The following PDS5B variants were observed in gnomAD, a reference collection of about 807,000 sequenced individuals.
The protein encoded by PDS5B is sister chromatid cohesion protein PDS5 homolog B.
PDS5B carries 51 observed loss-of-function variants against 184.1 expected under a neutral mutation model. The observed-to-expected ratio is 0.28, with a 90% CI of 0.22 to 0.35. The LOEUF (loss-of-function observed/expected upper bound fraction) is 0.35. Among genes scored for constraint, PDS5B ranks in the 10% least tolerant of loss-of-function variants. PDS5B has a pLI of 1.00. For missense variants in PDS5B, 1,180 were observed against 1,723.3 expected, an observed-to-expected ratio of 0.68 and a Z score of 5.58; for synonymous variants, 566 against 569.2, an observed-to-expected ratio of 0.99 and a Z score of 0.08.
chr13:32,770,183 A>G lies in PDS5B; in HGVS notation c.3687A>G (p.Leu1229=). 6.2e-7 allele frequency: 1 copy of G among 1,614,036 alleles called. No homozygotes were observed. Among genetic ancestry groups the G allele is most frequent in the Non-Finnish European group, 8.5e-7 (1 of 1,179,982 alleles). Residue 1229 remains leucine, a synonymous_variant, in exon 32 of 35, where the codon TTA becomes TTG. Transcript: ENST00000315596. ...CCGTCACAGAACAGGAGGAGAAATT[A>G]GGTATGGATGACTTGACTAAGTTGG... ...KTPVTEQEEK[L]GMDDLTKLVQ...
At chr13:32,680,632 T>G (rs1029877903) in intron 10 of PDS5B, among the ~76,000 whole-genome samples, 13 of 152,198 alleles carry the variant, frequency 8.5e-5, no homozygotes, top group African/African-American at 3.1e-4. Context: ...TCCAGACTTC[T>G]TTTGGTGTGG....
intron 1 of PDS5B, among the ~76,000 whole-genome samples, chr13:32,587,679 A>G (rs1319004923): frequency 2.6e-5 from 4 of 152,104 alleles, no homozygotes; most frequent in Non-Finnish European, 5.9e-5. Flanking sequence ...TAGAGCAGCT[A>G]CCCACCCACT....
intron 23 of PDS5B, 29 bp downstream of exon 23, chr13:32,742,756 G>A (rs766923643): frequency 3.8e-6 from 6 of 1,594,986 alleles, no homozygotes; most frequent in Non-Finnish European, 8.6e-7. Context: ...ACAGTTCTTT[G>A]GATTGCATAA....
intron 20 of PDS5B, among the ~76,000 whole-genome samples, chr13:32,733,207 A>G (rs1043161638): frequency 5.9e-5 from 9 of 152,096 alleles, no homozygotes; most frequent in African/African-American, 2.2e-4. Flanking sequence ...TATAAGTTGA[A>G]TTTCAGAGTA....
At chr13:32,639,158 C>G (rs1247445596) in intron 1 of PDS5B, among the ~76,000 whole-genome samples, 1 of 148,604 alleles carries the variant, frequency 6.7e-6, no homozygotes, top group Non-Finnish European at 1.5e-5. Flanking sequence ...AGAGATTTAA[C>G]AGAACACTTT....
intron 1 of PDS5B, among the ~76,000 whole-genome samples, chr13:32,626,756 A>G (rs1005531562): frequency 6.6e-6 from 1 of 152,212 alleles, no homozygotes. Flanking sequence ...TTAGTGTCTC[A>G]TCATTTTTTC....
rs535497327 is a variant in PDS5B at position 32,598,928 on chromosome 13, G to A, written c.-20+12335G>A. Among the ~76,000 whole-genome samples the A allele has an allele frequency of 3.7e-3, 561 of 151,702 alleles. 1 individual carries two copies. Among genetic ancestry groups the A allele is most frequent in the South Asian group, 5.8e-3 (28 of 4,818 alleles). ...TGGGACTATAGGCGCCTGCCACGGC[G>A]CCCAGCTAATTTTTTGTATTTTTAG... On this transcript the variant is annotated intron_variant, in intron 1 of 34. Coordinates refer to ENST00000315596, the MANE Select transcript of PDS5B (RefSeq NM_015032.4).
At chr13:32,631,183 G>A (rs2058449907) in intron 1 of PDS5B, among the ~76,000 whole-genome samples, 2 of 146,600 alleles carry the variant, frequency 1.4e-5, no homozygotes, top group Admixed American at 7.0e-5. Context: ...TGGTGGGATC[G>A]TGGCTCACTG....
At chr13:32,683,635 TAATC>T (rs1951309775) in intron 10 of PDS5B, among the ~76,000 whole-genome samples, 1 of 152,204 alleles carries the variant, frequency 6.6e-6, no homozygotes, top group Non-Finnish European at 1.5e-5. Context: ...AGTGAATTCT[TAATC>T]AAGTTATCAA....
intron 19 of PDS5B, among the ~76,000 whole-genome samples, chr13:32,724,312 C>G (rs1952821193): frequency 6.6e-6 from 1 of 151,954 alleles, no homozygotes; most frequent in African/African-American, 2.4e-5. Flanking sequence ...GATGGAGTCT[C>G]TCATTATGTT....
At chr13:32,729,444 T>C (rs1953024731) in intron 19 of PDS5B, among the ~76,000 whole-genome samples, 1 of 152,210 alleles carries the variant, frequency 6.6e-6, no homozygotes, top group South Asian at 2.1e-4. Flanking sequence ...TGATTTATAA[T>C]CCTTTGGGTA....
intron 30 of PDS5B, among the ~76,000 whole-genome samples, chr13:32,761,620 T>C (rs1432097575): frequency 1.3e-5 from 2 of 152,202 alleles, no homozygotes; most frequent in Non-Finnish European, 2.9e-5. Context: ...GCCTTCTTGC[T>C]GTGAAGTACA....
chr13:32,619,366 C>T (rs184251877), intron 1 of PDS5B, among the ~76,000 whole-genome samples: 17 of 152,270 alleles, frequency 1.1e-4, no homozygotes, highest in Admixed American at 3.9e-4. Flanking sequence ...CAAATCTGTA[C>T]AGCATGTTAC....
chr13:32,672,611 T>A (rs980060928), intron 7 of PDS5B, among the ~76,000 whole-genome samples: 2 of 152,230 alleles, frequency 1.3e-5, no homozygotes, highest in Non-Finnish European at 2.9e-5. Flanking sequence ...AGCAGGGGAC[T>A]GGGCTATTGG....
intron 1 of PDS5B, among the ~76,000 whole-genome samples, chr13:32,597,932 T>G (rs2057905761): frequency 6.6e-6 from 1 of 151,994 alleles, no homozygotes; most frequent in Non-Finnish European, 1.5e-5. Context: ...GTGAACATCC[T>G]GGTCTTGTTG....
chr13:32,764,969 A>G (rs985103493), intron 31 of PDS5B, among the ~76,000 whole-genome samples: 1 of 152,118 alleles, frequency 6.6e-6, no homozygotes, highest in African/African-American at 2.4e-5. Context: ...GACCCTTAAA[A>G]CTTCTTTCAT....
At chr13:32,753,194 C>G in intron 24 of PDS5B, 138 bp from the exon 25 acceptor site, 3 of 622,480 alleles carry the variant, frequency 4.8e-6, no homozygotes, top group Non-Finnish European at 5.6e-6. Context: ...CAACATCTCA[C>G]TCTTGTGAGC....
chr13:32,615,567 C>T (rs1176869895), intron 1 of PDS5B, among the ~76,000 whole-genome samples: 3 of 151,990 alleles, frequency 2.0e-5, no homozygotes, highest in African/African-American at 4.8e-5. Context: ...TTAGTTGTGT[C>T]GTTTTTATAA....
At chr13:32,745,278 A>G (rs1376212990) in intron 23 of PDS5B, among the ~76,000 whole-genome samples, 1 of 152,226 alleles carries the variant, frequency 6.6e-6, no homozygotes, top group Non-Finnish European at 1.5e-5. Context: ...CCTCATCTAT[A>G]TATAAACATT....
Sources: gnomAD v4.1 joint callset for allele counts (sites outside exome capture counted in the v4.1 genomes callset) on GRCh38, gnomAD v4.1.1 for gene constraint, MANE v1.5 for transcripts, NCBI Gene and HGNC (gene_info 2026-07-23, HGNC 2026-07-21) for gene names.